Variants in INSL6 observed in about 807,000 individuals in gnomAD.
INSL6 encodes the protein insulin-like peptide INSL6.
Under a neutral mutation model 9.4 loss-of-function variants are expected in INSL6, and 16 were observed. That is an observed-to-expected ratio of 1.70 (90% CI 1.15 to 2.59). INSL6 has a LOEUF of 2.59. Among genes scored for constraint, INSL6 ranks in the 30% most tolerant of loss-of-function variants. The pLI is 0.00. For synonymous variants in INSL6, 154 were observed against 96.9 expected, an observed-to-expected ratio of 1.59 and a Z score of -3.46; for missense variants, 391 against 257.3, an observed-to-expected ratio of 1.52 and a Z score of -3.56.
the INSL6 span, chr9:5,085,073 C>G: frequency 2.9e-5 from 20 of 683,760 alleles, no homozygotes; most frequent in African/African-American, 3.6e-4. Flanking sequence ...TTACTGCTCT[C>G]TCTTATTGCT....
At chr9:5,174,104 G>C (rs1045692182) in intron 1 of INSL6, among the ~76,000 whole-genome samples, 2 of 152,130 alleles carry the variant, frequency 1.3e-5, no homozygotes, top group African/African-American at 4.8e-5. Flanking sequence ...CACTACTCCA[G>C]CAATCCTTCT....
At chr9:5,128,280 T>C (rs913889259) in intron 3 of INSL6, 1 of 227,956 alleles carries the variant, frequency 4.4e-6, no homozygotes, top group Non-Finnish European at 8.7e-6. Flanking sequence ...TTTACATTCA[T>C]TATTATACTT....
chr9:5,173,967 T>A (rs575455115), intron 1 of INSL6, among the ~76,000 whole-genome samples: 1 of 152,248 alleles, frequency 6.6e-6, no homozygotes, highest in East Asian at 1.9e-4. Flanking sequence ...GCCAAATTTT[T>A]AAATTCATCT....
the INSL6 span, among the ~76,000 whole-genome samples, chr9:4,997,529 A>G: frequency 6.6e-6 from 1 of 152,146 alleles, no homozygotes; most frequent in Non-Finnish European, 1.5e-5. Flanking sequence ...GGATGTTGCT[A>G]AACCATTCAT....
chr9:5,022,434 G>C, the INSL6 span, among the ~76,000 whole-genome samples: 1 of 152,032 alleles, frequency 6.6e-6, no homozygotes, highest in African/African-American at 2.4e-5. Context: ...GCCCATAAAT[G>C]TTTGCTGACT....
chr9:5,067,396 A>G, the INSL6 span, among the ~76,000 whole-genome samples: 3 of 152,162 alleles, frequency 2.0e-5, no homozygotes, highest in African/African-American at 4.8e-5. Flanking sequence ...TTCATGGTAT[A>G]AATCCTAAGA....
At chr9:5,066,845 C>G in the INSL6 span, 1 of 722,064 alleles carries the variant, frequency 1.4e-6, no homozygotes. Context: ...TTAATTTCCT[C>G]TCCATATTTA....
At chr9:5,118,001 G>T in the INSL6 span, among the ~76,000 whole-genome samples, 1 of 152,232 alleles carries the variant, frequency 6.6e-6, no homozygotes, top group East Asian at 1.9e-4. Flanking sequence ...TTCTTTGTAA[G>T]TAGTTATAAT....
At chr9:5,041,610 G>C in the INSL6 span, 1 of 495,800 alleles carries the variant, frequency 2.0e-6, no homozygotes, top group Non-Finnish European at 4.1e-6. Context: ...GCCCGACTGT[G>C]ACTACATGCG....
At chr9:5,001,625 ATT>A in the INSL6 span, among the ~76,000 whole-genome samples, 64 of 143,382 alleles carry the variant, frequency 4.5e-4, no homozygotes, top group South Asian at 2.0e-3. Flanking sequence ...TTTGCCTGTA[ATT>A]TTTTTTTTTT....
chr9:5,080,394 G>A, the INSL6 span: 9 of 1,592,434 alleles, frequency 5.7e-6, no homozygotes, highest in Non-Finnish European at 6.8e-6. Context: ...AGTTTATATA[G>A]ACTAAGTTAG....
At chr9:5,123,148 GT>G, downstream of INSL6, 1 of 1,451,830 alleles carries the variant, frequency 6.9e-7, no homozygotes, top group Non-Finnish European at 9.5e-7. Flanking sequence ...TTTACTTTCA[GT>G]TTTTTGTTTG....
downstream of INSL6, among the ~76,000 whole-genome samples, chr9:5,162,911 G>C (rs117611343): frequency 4.4e-3 from 663 of 152,178 alleles, 4 homozygotes; most frequent in Non-Finnish European, 7.9e-3. Context: ...TTCCATTTTG[G>C]GTTCACTGGG....
chr9:5,176,588 TA>T (rs891152700), intron 1 of INSL6, among the ~76,000 whole-genome samples: 8 of 151,148 alleles, frequency 5.3e-5, no homozygotes, highest in African/African-American at 1.2e-4. Flanking sequence ...TTACGATGAT[TA>T]AAAAAAAATC....
At chr9:5,151,921 A>G (rs1824720994) in intron 2 of INSL6, among the ~76,000 whole-genome samples, 1 of 152,200 alleles carries the variant, frequency 6.6e-6, no homozygotes, top group Non-Finnish European at 1.5e-5. Flanking sequence ...AGATACAGAT[A>G]GGTTAAAAAT....
At chr9:5,075,165 T>G in the INSL6 span, among the ~76,000 whole-genome samples, 3 of 151,972 alleles carry the variant, frequency 2.0e-5, no homozygotes, top group Admixed American at 2.0e-4. Context: ...TCATGAGGTT[T>G]AAGAAAAGAA....
At chr9:5,022,025 G>T in the INSL6 span, 15 of 1,614,072 alleles carry the variant, frequency 9.3e-6, no homozygotes, top group Admixed American at 2.5e-4. Context: ...GAAATGGAGG[G>T]AACATCCACC....
intron 1 of INSL6, among the ~76,000 whole-genome samples, chr9:5,170,886 T>A (rs562443480): frequency 1.6e-4 from 24 of 152,260 alleles, no homozygotes; most frequent in African/African-American, 5.8e-4. Flanking sequence ...ACCAGATGGA[T>A]TCACAGCTGA....
intron 3 of INSL6, among the ~76,000 whole-genome samples, chr9:5,129,094 T>G (rs147502644): frequency 6.6e-6 from 1 of 152,178 alleles, no homozygotes; most frequent in East Asian, 1.9e-4. Flanking sequence ...AAGTGTAATT[T>G]TCATCACAAC....
Sources: gnomAD v4.1 joint callset for allele counts (sites outside exome capture counted in the v4.1 genomes callset) on GRCh38, gnomAD v4.1.1 for gene constraint, MANE v1.5 for transcripts, NCBI Gene and HGNC (gene_info 2026-07-23, HGNC 2026-07-21) for gene names.